The following PPARGC1A variants were observed in gnomAD, a reference collection of about 807,000 sequenced individuals.
The protein encoded by PPARGC1A is peroxisome proliferator-activated receptor gamma coactivator 1-alpha.
PPARGC1A carries 25 observed loss-of-function variants against 88.7 expected under a neutral mutation model. That is an observed-to-expected ratio of 0.28 (90% confidence interval 0.21 to 0.39). PPARGC1A has a LOEUF of 0.39. Among genes scored for constraint, PPARGC1A ranks in the 10% least tolerant of loss-of-function variants. PPARGC1A has a pLI of 1.00. For missense variants in PPARGC1A, 880 were observed against 968.7 expected (o/e 0.91, Z 1.22); for synonymous variants, 363 against 355.6 (o/e 1.02, Z -0.24).
chr4:24,460,873 C>T, the PPARGC1A span, among the ~76,000 whole-genome samples: 2 of 152,162 alleles, frequency 1.3e-5, no homozygotes, highest in African/African-American at 4.8e-5. Context: ...CCAAATAAAA[C>T]TTCATCTTTG....
chr4:24,097,794 A>G, the PPARGC1A span, among the ~76,000 whole-genome samples: 1 of 152,204 alleles, frequency 6.6e-6, no homozygotes, highest in Non-Finnish European at 1.5e-5. Flanking sequence ...TGGAACAGTG[A>G]TGCTCACCAT....
chr4:24,353,811 G>C, the PPARGC1A span, among the ~76,000 whole-genome samples: 1 of 152,170 alleles, frequency 6.6e-6, no homozygotes, highest in Admixed American at 6.5e-5. Context: ...CAGAGCTCTT[G>C]ATTTTGATAG....
At chr4:23,882,728 G>A (rs1716183536) in intron 2 of PPARGC1A, 1 of 152,048 alleles carries the variant, frequency 6.6e-6, no homozygotes, top group East Asian at 1.9e-4. Flanking sequence ...GATACAGGGA[G>A]ACAAAAAGGG....
chr4:24,438,103 G>A, the PPARGC1A span, among the ~76,000 whole-genome samples: 1 of 152,172 alleles, frequency 6.6e-6, no homozygotes, highest in Non-Finnish European at 1.5e-5. Flanking sequence ...TGGACCAGGG[G>A]TCGCCAGGGA....
At chr4:24,392,193 G>A in the PPARGC1A span, among the ~76,000 whole-genome samples, 5 of 152,170 alleles carry the variant, frequency 3.3e-5, no homozygotes, top group Admixed American at 3.3e-4. Flanking sequence ...ATTGCCGTCA[G>A]TCATTAAAAC....
At chr4:24,066,704 A>C in the PPARGC1A span, among the ~76,000 whole-genome samples, 1 of 152,170 alleles carries the variant, frequency 6.6e-6, no homozygotes, top group Admixed American at 6.5e-5. Flanking sequence ...CTTGGGAGCC[A>C]GAAAGTCTTT....
chr4:24,363,419 G>A, the PPARGC1A span, among the ~76,000 whole-genome samples: 1 of 152,196 alleles, frequency 6.6e-6, no homozygotes, highest in Admixed American at 6.5e-5. Context: ...GGACAAGAAT[G>A]AGTCCATGTG....
the PPARGC1A span, among the ~76,000 whole-genome samples, chr4:24,062,252 T>C: frequency 6.6e-6 from 1 of 152,240 alleles, no homozygotes; most frequent in Non-Finnish European, 1.5e-5. Flanking sequence ...TTGTAATACC[T>C]GCAGGATTCG....
chr4:24,209,060 T>C, the PPARGC1A span, among the ~76,000 whole-genome samples: 1 of 152,148 alleles, frequency 6.6e-6, no homozygotes, highest in African/African-American at 2.4e-5. Flanking sequence ...TCTTCCACAC[T>C]AGGCCTTGTC....
At chr4:24,234,288 GTGAC>G in the PPARGC1A span, among the ~76,000 whole-genome samples, 3 of 152,334 alleles carry the variant, frequency 2.0e-5, no homozygotes, top group South Asian at 6.2e-4. Context: ...TATAACAGAC[GTGAC>G]TGACAGAAGG....
chr4:24,017,658 A>G, the PPARGC1A span, among the ~76,000 whole-genome samples: 202 of 152,264 alleles, frequency 1.3e-3, no homozygotes, highest in African/African-American at 4.5e-3. Flanking sequence ...CTAATAAAAC[A>G]GTTTTTAGCA....
At chr4:24,160,483 C>G in the PPARGC1A span, among the ~76,000 whole-genome samples, 1 of 152,182 alleles carries the variant, frequency 6.6e-6, no homozygotes, top group African/African-American at 2.4e-5. Flanking sequence ...TCCATCATGC[C>G]TATGTCTCCT....
At chr4:24,309,807 C>T in the PPARGC1A span, among the ~76,000 whole-genome samples, 11 of 152,012 alleles carry the variant, frequency 7.2e-5, no homozygotes, top group Admixed American at 1.3e-4. Context: ...AGTTTGAAGG[C>T]GAGATGGGAT....
At chr4:24,416,418 G>C in the PPARGC1A span, among the ~76,000 whole-genome samples, 1 of 152,290 alleles carries the variant, frequency 6.6e-6, no homozygotes, top group Non-Finnish European at 1.5e-5. Context: ...CCATGTGAGA[G>C]GCTACTGCAA....
the PPARGC1A span, among the ~76,000 whole-genome samples, chr4:24,462,921 C>T: frequency 2.0e-5 from 3 of 151,826 alleles, no homozygotes; most frequent in Non-Finnish European, 4.4e-5. Flanking sequence ...ATGTCACCCC[C>T]TCCACCTTCA....
the PPARGC1A span, among the ~76,000 whole-genome samples, chr4:24,214,073 A>G: frequency 6.6e-6 from 1 of 152,172 alleles, no homozygotes; most frequent in African/African-American, 2.4e-5. Context: ...TGTGAGGCAA[A>G]AGCACAATTT....
At chr4:24,335,634 A>G in the PPARGC1A span, among the ~76,000 whole-genome samples, 1 of 152,180 alleles carries the variant, frequency 6.6e-6, no homozygotes, top group Non-Finnish European at 1.5e-5. Context: ...TCTGAATCCT[A>G]TTCCTCAGCC....
the PPARGC1A span, among the ~76,000 whole-genome samples, chr4:24,109,687 C>G: frequency 1.3e-5 from 2 of 152,148 alleles, no homozygotes; most frequent in Non-Finnish European, 2.9e-5. Context: ...CTACAATCGA[C>G]CTTGAAAATA....
chr4:23,796,255 G>A lies in PPARGC1A; in HGVS notation c.2294-330C>T, dbSNP rs149933479. ...CCCATGGTTCCTCAATAACTTAGAT[G>A]TAGACGTGAGAGTACAAGCTGGAAC... On this transcript the variant is annotated intron_variant, in intron 12 of 12. Coordinates refer to ENST00000264867, the MANE Select transcript of PPARGC1A (RefSeq NM_013261.5). Among the ~76,000 whole-genome samples, 438 of 152,214 alleles carry A rather than the reference G, an allele frequency of 2.9e-3. 1 individual carries two copies. The highest frequency in any genetic ancestry group is 1.0e-2 in the African/African-American group (415 of 41,544).
Sources: allele counts gnomAD v4.1 joint callset (sites outside exome capture counted in the v4.1 genomes callset), GRCh38; gene constraint gnomAD v4.1.1; transcripts MANE v1.5; gene names NCBI Gene and HGNC (gene_info 2026-07-23, HGNC 2026-07-21).